The following ZNF578 variants were observed in gnomAD, a reference collection of about 807,000 sequenced individuals.
ZNF578 encodes the protein Putative chemokine-related protein B42.
Under a neutral mutation model 8.3 loss-of-function variants are expected in ZNF578, and 8 were observed. The ratio of observed to expected loss-of-function variants is 0.96; its 90% CI spans 0.56 to 1.74. The LOEUF (loss-of-function observed/expected upper bound fraction) is 1.74. Among genes scored for constraint, ZNF578 ranks in the 40% most tolerant of loss-of-function variants. The pLI, the probability that ZNF578 is intolerant of heterozygous loss-of-function variation, is 0.00. For missense variants in ZNF578, 726 were observed against 707.5 expected, an observed-to-expected ratio of 1.03 and a Z score of -0.30; for synonymous variants, 206 against 232.2, an observed-to-expected ratio of 0.89 and a Z score of 1.03.
At chr19:52,498,329 G>GTTTTT (rs58765518) in intron 3 of ZNF578, among the ~76,000 whole-genome samples, 2 of 113,738 alleles carry the variant, frequency 1.8e-5, no homozygotes, top group Non-Finnish European at 3.5e-5. Context: ...GCTAATGTGT[G>GTTTTT]TTTTTTTTTT....
intron 2 of ZNF578, chr19:52,474,751 A>G: frequency 5.0e-6 from 1 of 200,424 alleles, no homozygotes; most frequent in Non-Finnish European, 1.1e-5. Context: ...ATGAATTACA[A>G]GATGGGCAGT....
chr19:52,473,882 C>A (rs1433234220), intron 2 of ZNF578: 1 of 330,506 alleles, frequency 3.0e-6, no homozygotes, highest in Non-Finnish European at 5.9e-6. Context: ...ATAGACCTTG[C>A]CACATTCATT....
chr19:52,490,381 T>G (rs1167231577), intron 2 of ZNF578, among the ~76,000 whole-genome samples: 5 of 152,212 alleles, frequency 3.3e-5, no homozygotes, highest in Non-Finnish European at 5.9e-5. Flanking sequence ...GTGTGCTGAT[T>G]TTAAGTAGAA....
chr19:52,507,186 G>T (rs886474419), intron 5 of ZNF578, among the ~76,000 whole-genome samples: 4 of 152,118 alleles, frequency 2.6e-5, no homozygotes, highest in African/African-American at 9.7e-5. Context: ...TCAGAAGTTC[G>T]AGACCAGCCT....
In ZNF578 at chr19:52,482,032, C is replaced by A. The variant is rs529615382; in HGVS notation, c.-121-9292C>A. ...ACAGGGATGAGCCACCACATCTGGC[C>A]TACATAGAACTTTTTTTTGAGAGAG... On this transcript the variant is annotated intron_variant, in intron 2 of 5. Coordinates refer to ENST00000421239, the MANE Select transcript of ZNF578 (RefSeq NM_001099694.2). Among the ~76,000 whole-genome samples the A allele has an allele frequency of 2.9e-4, 44 of 152,054 alleles. No individual in the cohort carries two copies. In the South Asian group the frequency reaches 3.5e-3, roughly 12 times the overall value.
intron 5 of ZNF578, among the ~76,000 whole-genome samples, chr19:52,504,990 TG>T (rs2059420570): frequency 1.3e-5 from 2 of 152,136 alleles, no homozygotes; most frequent in South Asian, 4.1e-4. Context: ...CGGGTTCAAG[TG>T]ATTCTCCTGC....
At chr19:52,501,272 G>A (rs1210094382) in intron 3 of ZNF578, among the ~76,000 whole-genome samples, 1 of 152,236 alleles carries the variant, frequency 6.6e-6, no homozygotes, top group African/African-American at 2.4e-5. Flanking sequence ...GTGGGGCTGT[G>A]CTGGGCTCGC....
intron 3 of ZNF578, among the ~76,000 whole-genome samples, chr19:52,493,222 C>T (rs2059372784): frequency 1.3e-5 from 2 of 152,154 alleles, no homozygotes; most frequent in South Asian, 2.1e-4. Context: ...CACAGCGCCC[C>T]GGGCCCAGTC....
chr19:52,514,643 G>A lies in ZNF578; in HGVS notation c.*2489G>A, dbSNP rs957286119. The stretch of plus-strand genomic sequence containing the variant: ...AACATGGGCTGGAGTGGCATAGAGC[G>A]CTGCTCCAAAAGCACCCATGTATTC... On this transcript the variant is annotated 3_prime_UTR_variant, in exon 6 of 6. Transcript: ENST00000421239. Among the ~76,000 whole-genome samples, 2 of 152,070 alleles carry A rather than the reference G, an allele frequency of 1.3e-5. No homozygotes were observed. Among genetic ancestry groups the A allele is most frequent in the Admixed American group, 6.6e-5 (1 of 15,252 alleles).
At chr19:52,505,334 T>A (rs1363887758) in intron 5 of ZNF578, among the ~76,000 whole-genome samples, 1 of 152,254 alleles carries the variant, frequency 6.6e-6, no homozygotes, top group Non-Finnish European at 1.5e-5. Context: ...GCTCACAGCC[T>A]CATATGTATG....
intron 3 of ZNF578, among the ~76,000 whole-genome samples, chr19:52,493,988 C>T (rs528263261): frequency 9.2e-6 from 1 of 109,272 alleles, no homozygotes; most frequent in Non-Finnish European, 1.9e-5. Flanking sequence ...AAAACTCCGT[C>T]CAAAAAAAAA....
rs2059251751 is a variant in ZNF578, at chr19:52,459,769, A to ATTTATTTTT, written c.-122+2814_-122+2815insATTTTTTTT. Among the ~76,000 whole-genome samples the ATTTATTTTT allele has an allele frequency of 1.1e-4, 2 of 17,620 alleles. 1 individual carries two copies. The highest frequency in any genetic ancestry group is 2.0e-4 in the Non-Finnish European group (2 of 10,084). 11.6% of individuals were successfully genotyped at this position (17,620 alleles called of 152,430 possible). On this transcript the variant is annotated intron_variant, in intron 2 of 5. Transcript: ENST00000421239. Reference sequence around the variant, plus strand: ...TGTGTGTGTATATATATATATATATATTTTTTTTTTTTTTTTTTTTTTTTG... The same window carrying ATTTATTTTT: ...TGTGTGTGTATATATATATATATATATTTATTTTTTTTTTTTTTTTTTTTTTTTTTTTTG...
intron 3 of ZNF578, among the ~76,000 whole-genome samples, chr19:52,499,379 C>T (rs2059398460): frequency 6.6e-6 from 1 of 152,200 alleles, no homozygotes; most frequent in South Asian, 2.1e-4. Context: ...ATGTCCCCTG[C>T]AGGCCTCAAC....
intron 3 of ZNF578, among the ~76,000 whole-genome samples, chr19:52,494,916 C>T (rs1416559669): frequency 5.3e-5 from 8 of 152,144 alleles, no homozygotes; most frequent in Non-Finnish European, 7.4e-5. Context: ...ACTGAAGCCT[C>T]GACCTCCTAG....
At chr19:52,454,169 A>T (rs971566599) in intron 1 of ZNF578, 5 of 151,966 alleles carry the variant, frequency 3.3e-5, no homozygotes, top group Non-Finnish European at 5.9e-5. Context: ...TCCAAATTGC[A>T]CCCGCTGGAA....
intron 5 of ZNF578, among the ~76,000 whole-genome samples, chr19:52,510,152 C>T (rs937613959): frequency 1.3e-5 from 2 of 151,828 alleles, no homozygotes; most frequent in Non-Finnish European, 2.9e-5. Flanking sequence ...GGATTATTTA[C>T]CAATATAGTA....
rs1234427174 is a variant in ZNF578 at position 52,513,255 on chromosome 19, C to T, written c.*1101C>T. On this transcript the variant is annotated 3_prime_UTR_variant, in exon 6 of 6. Transcript: ENST00000421239. ...CAGGCTGGTCTCAAACTCCCGATCT[C>T]AGGTGATCCGCCCACCTCAGCCTCC... Among the ~76,000 whole-genome samples the T allele has an allele frequency of 6.6e-6, 1 of 151,366 alleles. No individual in the cohort carries two copies. The highest frequency in any genetic ancestry group is 1.5e-5 in the Non-Finnish European group (1 of 67,930).
chr19:52,461,648 A>C (rs781029462), intron 2 of ZNF578, among the ~76,000 whole-genome samples: 3 of 152,220 alleles, frequency 2.0e-5, no homozygotes, highest in Non-Finnish European at 4.4e-5. Context: ...TTGACATTTA[A>C]TAATTTTAGA....
At chr19:52,488,842 C>T (rs975121159) in intron 2 of ZNF578, among the ~76,000 whole-genome samples, 1 of 151,966 alleles carries the variant, frequency 6.6e-6, no homozygotes, top group Non-Finnish European at 1.5e-5. Flanking sequence ...GTGGCTCATG[C>T]CTGTAATCCC....
Sources: allele counts gnomAD v4.1 joint callset (sites outside exome capture counted in the v4.1 genomes callset), GRCh38; gene constraint gnomAD v4.1.1; transcripts MANE v1.5; gene names NCBI Gene and HGNC (gene_info 2026-07-23, HGNC 2026-07-21).